The following GJB7 variants were observed in gnomAD, a reference collection of about 807,000 sequenced individuals.
GJB7 encodes the protein gap junction beta-7 protein.
For synonymous variants in GJB7, 87 were observed against 95.2 expected, an observed-to-expected ratio of 0.91 and a Z score of 0.50; for missense variants, 253 against 256.8, an observed-to-expected ratio of 0.99 and a Z score of 0.10.
chr6:87,324,223 T>C lies in GJB7; in HGVS notation c.-205-1180A>G, dbSNP rs554391780. ...TGAAAATTTTCTCCCATTTTGTAGG[T>C]TGCCTGTTCACTCTGATGGTAGTTT... On this transcript the variant is annotated intron_variant, in intron 1 of 2. Transcript: ENST00000525899. Among the ~76,000 whole-genome samples, 1,204 of 152,294 alleles carry C rather than the reference T, an allele frequency of 7.9e-3. 20 individuals carry two copies. Among genetic ancestry groups the C allele is most frequent in the African/African-American group, 0.026 (1,100 of 41,540 alleles).
Position 87,287,617 on chromosome 6 carries a change from GA to G in GJB7, c.-27-2679del, listed in dbSNP as rs1776084413. On this transcript the variant is annotated intron_variant, in intron 2 of 2. Transcript: ENST00000525899. The stretch of plus-strand genomic sequence containing the variant: ...CTACCGGAAAGGTTAATGTCTTTAT[GA>G]ATTATTAAAACAAAGCCCCAAAGAT... Among the ~76,000 whole-genome samples, 3 of 152,230 alleles carry G rather than the reference GA, an allele frequency of 2.0e-5. 1 individual carries two copies. In the South Asian group the frequency reaches 6.2e-4, roughly 32 times the overall value.
At chr6:87,295,196 A>G (rs1776233086) in intron 2 of GJB7, among the ~76,000 whole-genome samples, 1 of 152,188 alleles carries the variant, frequency 6.6e-6, no homozygotes, top group Admixed American at 6.5e-5. Context: ...CTGGGCAGCA[A>G]AACACTTGTG....
At chr6:87,287,388 A>ATTCTC (rs1776078740) in intron 2 of GJB7, among the ~76,000 whole-genome samples, 1 of 152,268 alleles carries the variant, frequency 6.6e-6, no homozygotes, top group Non-Finnish European at 1.5e-5. Flanking sequence ...TTGGGAGCAT[A>ATTCTC]ATACATGTTC....
intron 1 of GJB7, among the ~76,000 whole-genome samples, chr6:87,326,010 G>A (rs1026246276): frequency 6.6e-5 from 10 of 152,116 alleles, no homozygotes; most frequent in African/African-American, 1.9e-4. Context: ...TGTATGTGTC[G>A]AGGAACTTAT....
intron 2 of GJB7, among the ~76,000 whole-genome samples, chr6:87,320,209 G>A (rs1283551908): frequency 6.6e-6 from 1 of 152,060 alleles, no homozygotes; most frequent in Non-Finnish European, 1.5e-5. Context: ...TCCTCGATGT[G>A]GTGGATACCC....
intron 1 of GJB7, among the ~76,000 whole-genome samples, chr6:87,324,902 G>A (rs1776778487): frequency 6.6e-6 from 1 of 152,216 alleles, no homozygotes; most frequent in Non-Finnish European, 1.5e-5. Flanking sequence ...CTACGCATGA[G>A]CATGGAATGT....
Position 87,284,426 on chromosome 6 carries a change from GACA to G in GJB7, c.484_486del (p.Cys162del). 1 of 1,614,054 alleles carries G rather than the reference GACA, an allele frequency of 6.2e-7. No homozygotes were observed. On this transcript the variant is annotated inframe_deletion, in exon 3 of 3. Coordinates refer to ENST00000525899, the MANE Select transcript of GJB7 (RefSeq NM_198568.3). ...GAGATGAAGCAGTCCACAGTGTTGG[GACA>G]AGGCTTCAAATCACACTTTATAAGG... is the stretch of plus-strand genomic sequence containing the variant.
intron 2 of GJB7, among the ~76,000 whole-genome samples, chr6:87,320,492 T>C (rs1406174356): frequency 1.3e-5 from 2 of 152,194 alleles, no homozygotes; most frequent in Non-Finnish European, 2.9e-5. Flanking sequence ...ATGAGATAGG[T>C]CTCAATCAAT....
chr6:87,291,315 A>T (rs894877403), intron 2 of GJB7, among the ~76,000 whole-genome samples: 1 of 152,208 alleles, frequency 6.6e-6, no homozygotes, highest in Non-Finnish European at 1.5e-5. Flanking sequence ...ATTGTATATT[A>T]AAAAAATAAT....
intron 2 of GJB7, among the ~76,000 whole-genome samples, chr6:87,301,474 G>A (rs1380397430): frequency 1.3e-5 from 2 of 152,174 alleles, no homozygotes; most frequent in African/African-American, 4.8e-5. Flanking sequence ...CAGCAGCGAG[G>A]GTGGGGGATG....
intron 2 of GJB7, among the ~76,000 whole-genome samples, chr6:87,310,273 G>T (rs1299644197): frequency 6.6e-6 from 1 of 152,100 alleles, no homozygotes; most frequent in East Asian, 1.9e-4. Context: ...TCTTAGATAT[G>T]ATATGAAAAG....
chr6:87,326,976 G>T (rs1167244174), intron 1 of GJB7, among the ~76,000 whole-genome samples: 13 of 118,842 alleles, frequency 1.1e-4, no homozygotes, highest in African/African-American at 4.2e-4. Flanking sequence ...ATATATTTAG[G>T]ATAGTTAGCT....
At chr6:87,328,615 A>T (rs1376601730) in intron 1 of GJB7, among the ~76,000 whole-genome samples, 1 of 152,258 alleles carries the variant, frequency 6.6e-6, no homozygotes, top group African/African-American at 2.4e-5. Context: ...CTGTTCTCAG[A>T]TCTCCAGCTG....
At chr6:87,303,404 C>G (rs1201725367) in intron 2 of GJB7, among the ~76,000 whole-genome samples, 4 of 152,032 alleles carry the variant, frequency 2.6e-5, no homozygotes, top group Non-Finnish European at 5.9e-5. Flanking sequence ...AGACTTTAAA[C>G]CAACAAAGAT....
intron 2 of GJB7, among the ~76,000 whole-genome samples, chr6:87,308,404 T>C (rs1776466067): frequency 6.6e-6 from 1 of 152,166 alleles, no homozygotes; most frequent in South Asian, 2.1e-4. Flanking sequence ...TTCTAATTAA[T>C]ATCCCGTAAC....
chr6:87,289,395 G>T (rs1031198299), intron 2 of GJB7, among the ~76,000 whole-genome samples: 6 of 152,204 alleles, frequency 3.9e-5, no homozygotes, highest in African/African-American at 1.2e-4. Context: ...AAGCAAAAAT[G>T]TAGAATGCAC....
chr6:87,328,827 A>T (rs1333192701), intron 1 of GJB7, among the ~76,000 whole-genome samples: 1 of 152,194 alleles, frequency 6.6e-6, no homozygotes, highest in Non-Finnish European at 1.5e-5. Flanking sequence ...AAGCCTGGGC[A>T]ATGGCGGGCG....
chr6:87,312,991 C>G (rs1175969759), intron 2 of GJB7, among the ~76,000 whole-genome samples: 1 of 152,226 alleles, frequency 6.6e-6, no homozygotes, highest in Non-Finnish European at 1.5e-5. Context: ...AGACTGTCCT[C>G]TCCTGGAGAT....
At chr6:87,323,190 C>A (rs1340232709) in intron 1 of GJB7, 147 bp from the exon 2 acceptor site, 5 of 152,256 alleles carry the variant, frequency 3.3e-5, no homozygotes, top group Non-Finnish European at 5.9e-5. Context: ...AGTACTCAGG[C>A]TGTCGCCAGC....
Sources: gnomAD v4.1 joint callset for allele counts (sites outside exome capture counted in the v4.1 genomes callset) on GRCh38, gnomAD v4.1.1 for gene constraint, MANE v1.5 for transcripts, NCBI Gene and HGNC (gene_info 2026-07-23, HGNC 2026-07-21) for gene names.